The following FAM81A variants were observed in gnomAD, a reference collection of about 807,000 sequenced individuals.
The protein encoded by FAM81A is protein FAM81A.
FAM81A carries 19 observed loss-of-function variants against 46.7 expected under a neutral mutation model. That is an observed-to-expected ratio of 0.41 (90% CI 0.28 to 0.60). The LOEUF is 0.60. Ranked by LOEUF, FAM81A falls within the 20% of genes least tolerant of loss-of-function variation. The pLI is 0.34. For synonymous variants in FAM81A, 183 were observed against 152.9 expected, an observed-to-expected ratio of 1.20 and a Z score of -1.45; for missense variants, 377 against 453.5, an observed-to-expected ratio of 0.83 and a Z score of 1.53.
intron 4 of FAM81A, among the ~76,000 whole-genome samples, chr15:59,498,842 A>T (rs558598981): frequency 6.6e-6 from 1 of 152,128 alleles, no homozygotes; most frequent in East Asian, 1.9e-4. Flanking sequence ...TCTGTTAGAG[A>T]TGGGGATTCG....
At chr15:59,429,347 A>G (rs2081209691) in intron 2 of FAM81A, among the ~76,000 whole-genome samples, 1 of 152,188 alleles carries the variant, frequency 6.6e-6, no homozygotes, top group Non-Finnish European at 1.5e-5. Flanking sequence ...TCCTTTCATT[A>G]TAAGAAATTT....
chr15:59,514,177 A>G, intron 6 of FAM81A, 112 bp from the exon 7 acceptor site: 1 of 1,117,082 alleles, frequency 9.0e-7, no homozygotes. Flanking sequence ...ACCATGGCAC[A>G]TGTTTACCTG....
At chr15:59,501,054 A>C (rs2082085846) in intron 4 of FAM81A, among the ~76,000 whole-genome samples, 1 of 152,036 alleles carries the variant, frequency 6.6e-6, no homozygotes, top group African/African-American at 2.4e-5. Context: ...AGTATAGTTC[A>C]CATTTTCCTG....
chr15:59,469,447 C>T (rs2081656526), intron 3 of FAM81A, among the ~76,000 whole-genome samples: 1 of 151,974 alleles, frequency 6.6e-6, no homozygotes, highest in African/African-American at 2.4e-5. Flanking sequence ...TTGAATTGAT[C>T]TCTTTACCAT....
At chr15:59,473,024 T>G (rs1470926670) in intron 3 of FAM81A, among the ~76,000 whole-genome samples, 4 of 152,128 alleles carry the variant, frequency 2.6e-5, no homozygotes, top group Non-Finnish European at 5.9e-5. Context: ...ACATTTCAAT[T>G]TTGAAAGGGA....
intron 3 of FAM81A, among the ~76,000 whole-genome samples, chr15:59,483,506 T>C (rs1181610634): frequency 6.6e-6 from 1 of 151,762 alleles, no homozygotes; most frequent in Non-Finnish European, 1.5e-5. Flanking sequence ...GAAAAGAAAA[T>C]AGAGTTAAGA....
intron 1 of FAM81A, among the ~76,000 whole-genome samples, chr15:59,400,262 G>C (rs1189897463): frequency 8.7e-6 from 1 of 114,718 alleles, no homozygotes. Context: ...AAAGTCAGGA[G>C]TCAGCCCAAG....
At position 59,442,505 on chromosome 15, in the gene FAM81A, T is replaced by C. The variant is rs560780244; in HGVS notation, c.-78+4223T>C. Among the ~76,000 whole-genome samples the C allele has an allele frequency of 2.7e-3, 400 of 150,894 alleles. 1 individual carries two copies. The highest frequency in any genetic ancestry group is 9.5e-3 in the African/African-American group (390 of 41,056). On this transcript the variant is annotated intron_variant, in intron 1 of 8. Coordinates refer to ENST00000288228, the MANE Select transcript of FAM81A (RefSeq NM_152450.3). ...GGTGGTGAGCGCCTGTAATCCCAGC[T>C]ACTCAGGAGGCTGAGGCAGGAGAAT...
chr15:59,413,417 AACACACACACACACACAC>A lies in FAM81A; in HGVS notation c.-78+11087_-78+11104del, dbSNP rs535000983. ...CCTCAAAACTGGGTTGAGAGCATTA[AACACACACACACACACAC>A]ACACACACACACACACACACACACA... On this transcript the variant is annotated intron_variant, in intron 2 of 4. Coordinates refer to the FAM81A transcript ENST00000558348. Among the ~76,000 whole-genome samples, 15 of 134,512 alleles carry A rather than the reference AACACACACACACACACAC, an allele frequency of 1.1e-4. No homozygotes were observed. In the East Asian group the frequency reaches 1.3e-3, roughly 12 times the overall value. The allele number at this position is 134,512 out of a possible 152,430, so 88.2% of individuals were successfully genotyped here. A position where few individuals can be genotyped will look rare whatever the true frequency, so the allele number is the denominator to read the frequency against.
At chr15:59,430,605 C>A (rs1370951929) in intron 2 of FAM81A, among the ~76,000 whole-genome samples, 2 of 152,110 alleles carry the variant, frequency 1.3e-5, no homozygotes, top group Non-Finnish European at 2.9e-5. Flanking sequence ...TCAGTCATGT[C>A]AGTGGGGCAG....
intron 8 of FAM81A, among the ~76,000 whole-genome samples, chr15:59,520,091 T>C (rs2082311840): frequency 1.4e-5 from 1 of 68,982 alleles, no homozygotes; most frequent in Non-Finnish European, 2.8e-5. Flanking sequence ...TTATGAGATT[T>C]TTTTGTGATT....
At chr15:59,484,049 C>CACT (rs1213811922) in intron 3 of FAM81A, among the ~76,000 whole-genome samples, 3 of 152,210 alleles carry the variant, frequency 2.0e-5, no homozygotes, top group African/African-American at 7.2e-5. Flanking sequence ...AAGCCCCTTC[C>CACT]ACTACTCTCA....
chr15:59,462,945 T>C (rs1260132579), intron 3 of FAM81A, among the ~76,000 whole-genome samples: 1 of 152,238 alleles, frequency 6.6e-6, no homozygotes, highest in Non-Finnish European at 1.5e-5. Context: ...CTACAAATAT[T>C]TTCTCCCACT....
At chr15:59,458,933 G>T (rs565820512) in intron 2 of FAM81A, among the ~76,000 whole-genome samples, 49 of 152,360 alleles carry the variant, frequency 3.2e-4, no homozygotes, top group African/African-American at 1.2e-3. Context: ...TAAATCAGAA[G>T]TTGCAGATTA....
chr15:59,488,791 A>G (rs919148150), intron 3 of FAM81A, among the ~76,000 whole-genome samples: 1 of 151,928 alleles, frequency 6.6e-6, no homozygotes, highest in Admixed American at 6.6e-5. Context: ...AGCCTGGGTA[A>G]CATGGCGAAA....
rs143964043 is a variant in FAM81A, at chr15:59,519,242, G to A, written c.983-2012G>A. On this transcript the variant is annotated intron_variant, in intron 8 of 8. Coordinates refer to ENST00000288228, the MANE Select transcript of FAM81A (RefSeq NM_152450.3). ...CTTGCTCTGTCGCCCAGGCTGGAGT[G>A]CAGTGGTGCAGTCTCGGCTGACTGC... Among the ~76,000 whole-genome samples, 46 of 151,674 alleles carry A rather than the reference G, an allele frequency of 3.0e-4. 2 individuals are homozygous for A. In the East Asian group the frequency reaches 8.7e-3, roughly 29 times the overall value.
chr15:59,484,212 T>C (rs1159066237), intron 3 of FAM81A, among the ~76,000 whole-genome samples: 1 of 152,188 alleles, frequency 6.6e-6, no homozygotes, highest in Non-Finnish European at 1.5e-5. Flanking sequence ...TAAAAAATAA[T>C]TCCTACATTT....
chr15:59,417,381 A>AAAACAAACAAAC (rs150728195), intron 2 of FAM81A, among the ~76,000 whole-genome samples: 25 of 151,172 alleles, frequency 1.7e-4, no homozygotes, highest in African/African-American at 5.3e-4. Flanking sequence ...TAGCTATTTA[A>AAAACAAACAAAC]AAACAAACAA....
At chr15:59,431,958 G>A (rs2081222410) in intron 2 of FAM81A, among the ~76,000 whole-genome samples, 2 of 152,102 alleles carry the variant, frequency 1.3e-5, no homozygotes. Flanking sequence ...TGATTTAAGT[G>A]TATTCAAATA....
Sources: allele counts gnomAD v4.1 joint callset (sites outside exome capture counted in the v4.1 genomes callset), GRCh38; gene constraint gnomAD v4.1.1; transcripts MANE v1.5; gene names NCBI Gene and HGNC (gene_info 2026-07-23, HGNC 2026-07-21).